The following PRKAR1A variants were observed in gnomAD, a reference collection of about 807,000 sequenced individuals.
PRKAR1A encodes cAMP-dependent protein kinase type I-alpha regulatory subunit.
Under a neutral mutation model 52.0 loss-of-function variants are expected in PRKAR1A, and 3 were observed. The observed-to-expected ratio is 0.06, with a 90% CI of 0.03 to 0.15. PRKAR1A has a LOEUF of 0.15. Among genes scored for constraint, PRKAR1A ranks in the 10% least tolerant of loss-of-function variants. The pLI is 1.00. For synonymous variants in PRKAR1A, 188 were observed against 168.4 expected, an observed-to-expected ratio of 1.12 and a Z score of -0.90; for missense variants, 240 against 477.4, an observed-to-expected ratio of 0.50 and a Z score of 4.63.
At chr17:68,487,279 T>C in the PRKAR1A span, among the ~76,000 whole-genome samples, 1 of 152,208 alleles carries the variant, frequency 6.6e-6, no homozygotes, top group Non-Finnish European at 1.5e-5. Flanking sequence ...AAAATGTAGA[T>C]AACCAACATT....
At chr17:68,519,709 GCTT>G (rs10602368) in intron 2 of PRKAR1A, among the ~76,000 whole-genome samples, 46,656 of 151,892 alleles carry the variant, frequency 0.31, 7,448 homozygotes, top group East Asian at 0.55. Context: ...TCTTTTGAAA[GCTT>G]CTGCATTTTA....
chr17:68,491,079 A>ATTAT, the PRKAR1A span, among the ~76,000 whole-genome samples: 6 of 99,940 alleles, frequency 6.0e-5, no homozygotes, highest in Non-Finnish European at 1.0e-4. Context: ...CAAAAAAATG[A>ATTAT]TTATTTCTTT....
intron 3 of PRKAR1A, 133 bp downstream of exon 3, chr17:68,523,059 C>A: frequency 1.8e-6 from 2 of 1,089,022 alleles, no homozygotes; most frequent in Non-Finnish European, 2.6e-6. Context: ...TTCTTGGGTA[C>A]TGGAAAACAG....
chr17:68,500,380 C>T, the PRKAR1A span, among the ~76,000 whole-genome samples: 1 of 152,206 alleles, frequency 6.6e-6, no homozygotes, highest in Non-Finnish European at 1.5e-5. Flanking sequence ...ACTTTGTTCT[C>T]ATTTTCTCTC....
At chr17:68,497,239 T>A in the PRKAR1A span, among the ~76,000 whole-genome samples, 1 of 152,240 alleles carries the variant, frequency 6.6e-6, no homozygotes. Context: ...AACACAGCCA[T>A]GCCCATTCAT....
At chr17:68,456,044 C>G in the PRKAR1A span, among the ~76,000 whole-genome samples, 1 of 152,018 alleles carries the variant, frequency 6.6e-6, no homozygotes, top group South Asian at 2.1e-4. Flanking sequence ...GAGTCACAAG[C>G]AGCTTAGAAA....
At chr17:68,516,638 A>T (rs541196879) in intron 2 of PRKAR1A, among the ~76,000 whole-genome samples, 1 of 152,216 alleles carries the variant, frequency 6.6e-6, no homozygotes, top group African/African-American at 2.4e-5. Context: ...AGCTTTAAAA[A>T]GTATTTGGGT....
At chr17:68,443,173 C>T in the PRKAR1A span, among the ~76,000 whole-genome samples, 4 of 152,090 alleles carry the variant, frequency 2.6e-5, no homozygotes, top group Non-Finnish European at 5.9e-5. Flanking sequence ...TGCAGTGGTG[C>T]GATCTCAGCT....
the PRKAR1A span, chr17:68,428,500 C>T: frequency 3.7e-5 from 8 of 217,604 alleles, no homozygotes; most frequent in East Asian, 1.2e-4. Context: ...CCCAAAGTGC[C>T]GGGATTACAG....
At chr17:68,458,270 A>G in the PRKAR1A span, among the ~76,000 whole-genome samples, 1 of 152,250 alleles carries the variant, frequency 6.6e-6, no homozygotes, top group African/African-American at 2.4e-5. Context: ...CTCAATATAC[A>G]GAAGAGGCAA....
the PRKAR1A span, among the ~76,000 whole-genome samples, chr17:68,494,566 T>C: frequency 1.3e-5 from 2 of 152,000 alleles, no homozygotes; most frequent in Non-Finnish European, 1.5e-5. Flanking sequence ...TAAAATAAAA[T>C]AGCAGGAGTG....
chr17:68,495,803 A>G, the PRKAR1A span, among the ~76,000 whole-genome samples: 1 of 151,260 alleles, frequency 6.6e-6, no homozygotes, highest in Non-Finnish European at 1.5e-5. Context: ...ATGGGTCTCA[A>G]TAGGCTGAAA....
the PRKAR1A span, chr17:68,426,254 G>GGGGGGGGGGGGGGGGCCCCCCCCCCCC: frequency 1.2e-6 from 1 of 816,920 alleles, no homozygotes; most frequent in Non-Finnish European, 1.9e-6. Flanking sequence ...GGGAGCGGGG[G>GGGGGGGGGGGGGGGGCCCCCCCCCCCC]CTCAAATAAA....
chr17:68,420,134 C>T, the PRKAR1A span: 1 of 1,590,708 alleles, frequency 6.3e-7, no homozygotes, highest in Non-Finnish European at 8.6e-7. Context: ...CTCGTCTTTA[C>T]AACACAGGGC....
At chr17:68,513,125 A>G (rs1274975914) in intron 1 of PRKAR1A, 4 of 75,148 alleles carry the variant, frequency 5.3e-5, no homozygotes, top group South Asian at 4.4e-4. Flanking sequence ...CCCTTTCCCA[A>G]TTTTGCCCCC....
chr17:68,427,499 G>A, the PRKAR1A span: 2 of 303,430 alleles, frequency 6.6e-6, no homozygotes, highest in Admixed American at 9.4e-5. Flanking sequence ...TGCGACTACA[G>A]GCACCCACCA....
chr17:68,493,867 C>T, the PRKAR1A span, among the ~76,000 whole-genome samples: 1 of 152,160 alleles, frequency 6.6e-6, no homozygotes, highest in African/African-American at 2.4e-5. Context: ...GCTGGGATTA[C>T]AGGTGTGAGC....
chr17:68,429,628 G>A, the PRKAR1A span, among the ~76,000 whole-genome samples: 14 of 151,968 alleles, frequency 9.2e-5, no homozygotes, highest in Non-Finnish European at 1.6e-4. Context: ...TTGCTCTGTC[G>A]CCCAGGCTGG....
chr17:68,514,409 G>A (rs755177350), intron 1 of PRKAR1A, among the ~76,000 whole-genome samples: 20 of 152,170 alleles, frequency 1.3e-4, no homozygotes, highest in Non-Finnish European at 2.4e-4. Flanking sequence ...TAGTAATTAG[G>A]AGTTGGAAGG....
Sources: allele counts gnomAD v4.1 joint callset (sites outside exome capture counted in the v4.1 genomes callset), GRCh38; gene constraint gnomAD v4.1.1; transcripts MANE v1.5; gene names NCBI Gene and HGNC (gene_info 2026-07-23, HGNC 2026-07-21).